The following SBF2 variants were observed in gnomAD, a reference collection of about 807,000 sequenced individuals.
SBF2 encodes SET binding factor 2, also known as myotubularin-related protein 13.
SBF2 carries 112 observed loss-of-function variants against 225.2 expected under a neutral mutation model. The observed-to-expected ratio is 0.50, with a 90% CI of 0.43 to 0.58. The LOEUF is 0.58. SBF2 is among the 20% of genes least tolerant of loss of function. The pLI is 0.00. For missense variants in SBF2, 1,996 were observed against 2,206.2 expected, an observed-to-expected ratio of 0.90 and a Z score of 1.91; for synonymous variants, 763 against 773.3, an observed-to-expected ratio of 0.99 and a Z score of 0.22.
In SBF2 at chr11:10,039,782, T is replaced by C. The variant is rs1354461025; in HGVS notation, c.279+3062A>G. ...AGGAATAAAATGATCCTAGATCAAC[T>C]TGTTATGATGAAAAGTTAAAAAGTA... is the stretch of plus-strand genomic sequence containing the variant. On this transcript the variant is annotated intron_variant, in intron 3 of 39. Transcript: ENST00000256190. 2.0e-5 allele frequency among the ~76,000 whole-genome samples: 3 copies of C among 151,914 alleles called. No homozygotes were observed. In the East Asian group the frequency reaches 5.8e-4, roughly 29 times the overall value.
At chr11:10,104,995 T>C (rs537458488) in intron 2 of SBF2, among the ~76,000 whole-genome samples, 2 of 152,392 alleles carry the variant, frequency 1.3e-5, no homozygotes, top group East Asian at 1.9e-4. Context: ...AAATTGCTAA[T>C]ATTTTGTTAA....
chr11:10,097,101 G>A (rs1952055176), intron 2 of SBF2, among the ~76,000 whole-genome samples: 1 of 152,176 alleles, frequency 6.6e-6, no homozygotes, highest in South Asian at 2.1e-4. Context: ...ATTAAGTCAT[G>A]AGAATACAAC....
In SBF2 at chr11:10,275,936, T is replaced by C. The variant is rs533913107; in HGVS notation, c.55+18079A>G. 2.2e-4 allele frequency among the ~76,000 whole-genome samples: 34 copies of C among 152,316 alleles called. No homozygotes were observed. The South Asian group carries it at 6.4e-3, about 29-fold the overall frequency. Reference sequence around the variant, plus strand: ...TAACACTACAGATTACAACATGCTATACAGGTTTCAACATTTGAAAATTCT... The same window carrying C: ...TAACACTACAGATTACAACATGCTACACAGGTTTCAACATTTGAAAATTCT... On this transcript the variant is annotated intron_variant, in intron 1 of 39. Transcript: ENST00000256190.
chr11:9,977,132 ATCTT>A (rs1437704192), intron 13 of SBF2, among the ~76,000 whole-genome samples: 1 of 152,076 alleles, frequency 6.6e-6, no homozygotes, highest in African/African-American at 2.4e-5. Context: ...GTCTTGGCCT[ATCTT>A]AATGTTCTCA....
rs1185182785 is a variant in SBF2, at chr11:9,926,329, C to CT, written c.1861-30319dup. Among the ~76,000 whole-genome samples, 269 of 145,960 alleles carry CT rather than the reference C, an allele frequency of 1.8e-3. 1 individual carries two copies. The highest frequency in any genetic ancestry group is 3.3e-3 in the African/African-American group (132 of 39,934). ...TAGCCTTAAGAATAAAAAAAATTGTCTTTTTTTTTTTCCTTTTAACAAACT... is the reference window on the plus strand; with the variant it reads ...TAGCCTTAAGAATAAAAAAAATTGTCTTTTTTTTTTTTCCTTTTAACAAACT... On this transcript the variant is annotated intron_variant, in intron 16 of 39. Transcript: ENST00000256190.
At chr11:9,993,333 G>A (rs1430524141) in intron 10 of SBF2, among the ~76,000 whole-genome samples, 3 of 152,160 alleles carry the variant, frequency 2.0e-5, no homozygotes, top group Non-Finnish European at 2.9e-5. Flanking sequence ...GATTCTGTTA[G>A]TCAATGCCTT....
At chr11:10,119,706 T>C (rs886879373) in intron 2 of SBF2, among the ~76,000 whole-genome samples, 4 of 152,204 alleles carry the variant, frequency 2.6e-5, no homozygotes, top group Admixed American at 1.3e-4. Flanking sequence ...AACCAAAGAA[T>C]GTTTAATCTC....
chr11:9,982,704 C>T (rs957463762), intron 13 of SBF2, among the ~76,000 whole-genome samples: 8 of 152,108 alleles, frequency 5.3e-5, no homozygotes, highest in African/African-American at 1.4e-4. Context: ...CACAGATCCT[C>T]GGAAGGAAGT....
chr11:9,998,289 G>C lies in SBF2; in HGVS notation c.952C>G (p.Gln318Glu). The C allele has an allele frequency of 1.3e-6, 2 of 1,596,878 alleles. No homozygotes were observed. The highest frequency in any genetic ancestry group is 1.7e-6 in the Non-Finnish European group (2 of 1,164,588). Residue 318 changes from glutamine to glutamate, a missense_variant, in exon 9 of 40, where the codon CAG becomes GAG. Physicochemically the swap from Gln to Glu is conservative, Grantham distance 29. Transcript: ENST00000256190. ...ACCAAAGAAAGAGCTGATTGAGTCT[G>C]ATGTAGAAGTGGTTCTGGGAGGGAA... ...LSSLPEPLLH[Q>E]TQSALSLILH...
Position 9,846,567 on chromosome 11 carries a change from A to G in SBF2, c.2934+389T>C, listed in dbSNP as rs529554439. Among the ~76,000 whole-genome samples, 11 of 152,354 alleles carry G rather than the reference A, an allele frequency of 7.2e-5. No individual in the cohort carries two copies. In the South Asian group the frequency reaches 2.3e-3, roughly 32 times the overall value. Reference sequence around the variant, plus strand: ...CTAGTACCAATAGAACTTTAGCCCTAGCTATACTGTTTACCTTTCCATAGA... The same window carrying G: ...CTAGTACCAATAGAACTTTAGCCCTGGCTATACTGTTTACCTTTCCATAGA... On this transcript the variant is annotated intron_variant, in intron 23 of 39. Coordinates refer to ENST00000256190, the MANE Select transcript of SBF2 (RefSeq NM_030962.4).
chr11:10,154,499 T>C (rs975976821), intron 2 of SBF2, among the ~76,000 whole-genome samples: 3 of 152,152 alleles, frequency 2.0e-5, no homozygotes, highest in African/African-American at 4.8e-5. Context: ...TCGTATTTGA[T>C]GTAATTCCTA....
chr11:10,239,969 T>C (rs1166497879), intron 1 of SBF2, among the ~76,000 whole-genome samples: 2 of 152,156 alleles, frequency 1.3e-5, no homozygotes, highest in African/African-American at 4.8e-5. Flanking sequence ...GAAGGAATTA[T>C]GCTACAAACA....
intron 6 of SBF2, among the ~76,000 whole-genome samples, chr11:10,027,477 G>A (rs1949093061): frequency 6.6e-6 from 1 of 152,116 alleles, no homozygotes; most frequent in African/African-American, 2.4e-5. Context: ...GAGACAGGAG[G>A]GAAGCAAGAG....
At chr11:10,160,698 T>C (rs1438088462) in intron 2 of SBF2, among the ~76,000 whole-genome samples, 10 of 152,218 alleles carry the variant, frequency 6.6e-5, no homozygotes, top group African/African-American at 2.4e-4. Context: ...TTTAATGATA[T>C]TCTGAAAGAA....
chr11:10,126,895 A>C (rs1205788284), intron 2 of SBF2, among the ~76,000 whole-genome samples: 1 of 152,096 alleles, frequency 6.6e-6, no homozygotes, highest in Non-Finnish European at 1.5e-5. Context: ...ACCATGGATG[A>C]CCCTTGAAGT....
At chr11:9,939,902 G>A (rs891540199) in intron 16 of SBF2, among the ~76,000 whole-genome samples, 2 of 152,162 alleles carry the variant, frequency 1.3e-5, no homozygotes, top group African/African-American at 4.8e-5. Flanking sequence ...GTCATCCTAG[G>A]TGCTATGTGG....
chr11:9,919,288 A>G (rs916111764), intron 16 of SBF2, among the ~76,000 whole-genome samples: 17 of 132,468 alleles, frequency 1.3e-4, no homozygotes, highest in Non-Finnish European at 2.5e-4. Flanking sequence ...TTTTTGAGAT[A>G]GAGTTTTGCT....
intron 16 of SBF2, among the ~76,000 whole-genome samples, chr11:9,952,559 A>G (rs1272733149): frequency 1.3e-5 from 2 of 152,176 alleles, no homozygotes; most frequent in African/African-American, 2.4e-5. Flanking sequence ...TCACTCATCT[A>G]TCAGCTTTCT....
intron 28 of SBF2, 134 bp from the exon 29 acceptor site, chr11:9,817,158 T>C: frequency 1.1e-6 from 1 of 878,932 alleles, no homozygotes; most frequent in Non-Finnish European, 1.9e-6. Flanking sequence ...CCGTAAGTCA[T>C]ATGGTCATTT....
Sources: gnomAD v4.1 joint callset for allele counts (sites outside exome capture counted in the v4.1 genomes callset) on GRCh38, gnomAD v4.1.1 for gene constraint, MANE v1.5 for transcripts, NCBI Gene and HGNC (gene_info 2026-07-23, HGNC 2026-07-21) for gene names.